Variants in DNAI1 observed in about 807,000 individuals in gnomAD.
DNAI1 encodes the protein dynein axonemal intermediate chain 1.
In DNAI1, 67 loss-of-function variants were observed where a neutral mutation model predicts 92.0. The observed-to-expected ratio is 0.73, with a 90% CI of 0.60 to 0.89. The LOEUF (loss-of-function observed/expected upper bound fraction) is 0.89. DNAI1 is among the 40% of genes least tolerant of loss of function. DNAI1 has a pLI of 0.00. For synonymous variants in DNAI1, 323 were observed against 319.6 expected, an observed-to-expected ratio of 1.01 and a Z score of -0.11; for missense variants, 839 against 866.6, an observed-to-expected ratio of 0.97 and a Z score of 0.40.
In DNAI1 at chr9:34,517,618, AGAAGCAGGTTTGT is replaced by A. The variant is rs1213836095; in HGVS notation, c.2001+154_2001+166del. On this transcript the variant is annotated intron_variant, in intron 19 of 19. Transcript: ENST00000242317. Reference sequence around the variant, plus strand: ...TCATTGCCTGAATGAGGCTCACAGTAGAAGCAGGTTTGTGAGAAAACAGCAGTTTGACATGCTG... The same window carrying A: ...TCATTGCCTGAATGAGGCTCACAGTAGAGAAAACAGCAGTTTGACATGCTG... The A allele has an allele frequency of 5.1e-6, 5 of 976,808 alleles. No homozygotes were observed. The Admixed American group carries it at 8.5e-5, about 17-fold the overall frequency. 60.5% of individuals were successfully genotyped at this position (976,808 alleles called of 1,614,324 possible).
intron 1 of DNAI1, among the ~76,000 whole-genome samples, chr9:34,471,378 T>C (rs1588089496): frequency 1.3e-5 from 2 of 151,870 alleles, no homozygotes; most frequent in Non-Finnish European, 2.9e-5. Context: ...TGAGCCATGA[T>C]TGTGCCACTG....
chr9:34,500,859 C>G lies in DNAI1; in HGVS notation c.1019+20C>G. 1 of 1,590,126 alleles carries G rather than the reference C, an allele frequency of 6.3e-7. No homozygotes were observed. The highest frequency in any genetic ancestry group is 8.6e-7 in the Non-Finnish European group (1 of 1,158,424). The stretch of plus-strand genomic sequence containing the variant: ...CTGCTGGTAAGTATAGGCATTGCAG[C>G]AAATGCAGAGCCCCTGAGTGCCCTC... On this transcript the variant is annotated intron_variant, in intron 11 of 19. Transcript: ENST00000242317.
chr9:34,468,091 T>C (rs1049242165), intron 1 of DNAI1, among the ~76,000 whole-genome samples: 1 of 151,930 alleles, frequency 6.6e-6, no homozygotes, highest in African/African-American at 2.4e-5. Flanking sequence ...AAAAATACAA[T>C]ATCAGAAATA....
chr9:34,491,442 A>G, intron 7 of DNAI1, 53 bp from the exon 8 acceptor site: 1 of 1,591,000 alleles, frequency 6.3e-7, no homozygotes, highest in Non-Finnish European at 8.6e-7. Context: ...TGTTGGATTA[A>G]GTGAGAAGGA....
At chr9:34,502,595 T>G (rs1032737336) in intron 12 of DNAI1, among the ~76,000 whole-genome samples, 5 of 151,972 alleles carry the variant, frequency 3.3e-5, no homozygotes, top group Admixed American at 6.5e-5. Context: ...GAGGCTGTCG[T>G]GGGGGCTGGA....
chr9:34,491,546 G>A lies in DNAI1; in HGVS notation c.673G>A (p.Ala225Thr). ...TCCCAGGACAAACTTTTCAGCCACAGCCAATCAGGTAAGACCCTGGGCCAG... is the reference window on the plus strand; with the variant it reads ...TCCCAGGACAAACTTTTCAGCCACAACCAATCAGGTAAGACCCTGGGCCAG... ...PPPRTNFSAT[A>T]NQWEIYDAYV... Residue 225 changes from alanine (A) to threonine (T), a missense_variant, in exon 8 of 20, where the codon GCC becomes ACC. Transcript: ENST00000242317. 6.2e-7 allele frequency: 1 copy of A among 1,614,176 alleles called. No homozygotes were observed. Among genetic ancestry groups the A allele is most frequent in the Non-Finnish European group, 8.5e-7 (1 of 1,180,028 alleles).
chr9:34,498,355 T>C (rs1484610321), intron 10 of DNAI1, among the ~76,000 whole-genome samples: 1 of 152,226 alleles, frequency 6.6e-6, no homozygotes, highest in Non-Finnish European at 1.5e-5. Flanking sequence ...ATGTTGCCAC[T>C]TTTTCAAAGT....
chr9:34,516,687 A>G lies in DNAI1; in HGVS notation c.1819-598A>G, dbSNP rs141236768. Among the ~76,000 whole-genome samples, 366 of 152,170 alleles carry G rather than the reference A, an allele frequency of 2.4e-3. 3 individuals are homozygous for G. Among genetic ancestry groups the G allele is most frequent in the African/African-American group, 8.0e-3 (334 of 41,522 alleles). On this transcript the variant is annotated intron_variant, in intron 18 of 19. Coordinates refer to ENST00000242317, the MANE Select transcript of DNAI1 (RefSeq NM_012144.4). ...ATGCAACCGTATGATGTGCTTGCCC[A>G]GAGTCTAGTACATAGTGAGTGCTCA...
chr9:34,506,621 G>T lies in DNAI1; in HGVS notation c.1064-6G>T, dbSNP rs1483392925. 6.2e-7 allele frequency: 1 copy of T among 1,614,018 alleles called. No individual in the cohort carries two copies. Among genetic ancestry groups the T allele is most frequent in the Non-Finnish European group, 8.5e-7 (1 of 1,180,032 alleles). On this transcript the variant is annotated splice_region_variant and splice_polypyrimidine_tract_variant and intron_variant, in intron 12 of 19. Coordinates refer to ENST00000242317, the MANE Select transcript of DNAI1 (RefSeq NM_012144.4). The stretch of plus-strand genomic sequence containing the variant: ...CCAACCTCAGCCGCCCATCTTCCCT[G>T]GGTAGATGACTTCATGAAGCAGAGC...
intron 12 of DNAI1, among the ~76,000 whole-genome samples, chr9:34,505,911 T>A (rs1047444769): frequency 1.3e-5 from 2 of 152,288 alleles, no homozygotes; most frequent in Admixed American, 1.3e-4. Flanking sequence ...CATGACTACA[T>A]ATCAGGATGG....
intron 4 of DNAI1, among the ~76,000 whole-genome samples, chr9:34,485,780 G>C (rs531113677): frequency 6.6e-6 from 1 of 152,174 alleles, no homozygotes; most frequent in South Asian, 2.1e-4. Context: ...GAATCATTTG[G>C]TTAGAAAAAT....
At chr9:34,482,780 G>T (rs545769811) in intron 1 of DNAI1, among the ~76,000 whole-genome samples, 1 of 152,252 alleles carries the variant, frequency 6.6e-6, no homozygotes, top group South Asian at 2.1e-4. Context: ...TCAGCCCTTG[G>T]GTGGTCGATG....
At chr9:34,498,022 T>C (rs1824759410) in intron 10 of DNAI1, among the ~76,000 whole-genome samples, 1 of 152,114 alleles carries the variant, frequency 6.6e-6, no homozygotes, top group South Asian at 2.1e-4. Context: ...AACTGAAACT[T>C]TCTAGGCAGG....
chr9:34,491,520 C>T lies in DNAI1; in HGVS notation c.647C>T (p.Pro216Leu), dbSNP rs752750601. The change falls in exon 8 of 20, where the codon CCT (proline) becomes CTT (leucine). Residue 216 changes from proline to leucine, a missense_variant. Physicochemically the swap from Pro to Leu is moderately conservative, Grantham distance 98. Transcript: ENST00000242317. ...GATCGAGAATGCCAGACGGAGCCTCCTCCCAGGACAAACTTTTCAGCCACA... is the reference window on the plus strand; with the variant it reads ...GATCGAGAATGCCAGACGGAGCCTCTTCCCAGGACAAACTTTTCAGCCACA... Reference protein sequence around the residue: ...VRDRECQTEPPPRTNFSATAN... With the variant: ...VRDRECQTEPLPRTNFSATAN... 3.1e-6 allele frequency: 5 copies of T among 1,614,212 alleles called. No individual in the cohort carries two copies. The highest frequency in any genetic ancestry group is 1.7e-5 in the Admixed American group (1 of 60,032).
intron 10 of DNAI1, among the ~76,000 whole-genome samples, chr9:34,499,552 G>C (rs1374805401): frequency 6.6e-6 from 1 of 152,180 alleles, no homozygotes; most frequent in Non-Finnish European, 1.5e-5. Flanking sequence ...CAGGCAAAAG[G>C]ATAGAGGCAA....
chr9:34,505,591 A>T (rs1282380827), intron 12 of DNAI1, among the ~76,000 whole-genome samples: 1 of 152,232 alleles, frequency 6.6e-6, no homozygotes, highest in Non-Finnish European at 1.5e-5. Flanking sequence ...TGCCTCTTGC[A>T]TGACTTAATA....
At chr9:34,481,459 C>T (rs1334681383) in intron 1 of DNAI1, among the ~76,000 whole-genome samples, 3 of 152,132 alleles carry the variant, frequency 2.0e-5, no homozygotes, top group African/African-American at 4.8e-5. Flanking sequence ...GAATATGTTG[C>T]CTCTGAGACT....
In DNAI1 at chr9:34,497,103, G is replaced by A; in HGVS notation, c.817-12G>A. The A allele has an allele frequency of 1.9e-6, 3 of 1,612,274 alleles. No homozygotes were observed. The highest frequency in any genetic ancestry group is 2.5e-6 in the Non-Finnish European group (3 of 1,178,286). ...TGGTTTATGAGGACCTGAAGTTTCT[G>A]TATCCCCACAGACTGATGATCTCAT... On this transcript the variant is annotated splice_polypyrimidine_tract_variant and intron_variant, in intron 9 of 19. Coordinates refer to ENST00000242317, the MANE Select transcript of DNAI1 (RefSeq NM_012144.4).
At chr9:34,495,000 G>A (rs1824690403) in intron 9 of DNAI1, among the ~76,000 whole-genome samples, 1 of 152,180 alleles carries the variant, frequency 6.6e-6, no homozygotes, top group African/African-American at 2.4e-5. Flanking sequence ...CTGATTATGT[G>A]GGTAGAAAAC....
Sources: gnomAD v4.1 joint callset for allele counts (sites outside exome capture counted in the v4.1 genomes callset) on GRCh38, gnomAD v4.1.1 for gene constraint, MANE v1.5 for transcripts, NCBI Gene and HGNC (gene_info 2026-07-23, HGNC 2026-07-21) for gene names.